The following CXCL13 variants were observed in gnomAD, a reference collection of about 807,000 sequenced individuals.
CXCL13 encodes the protein C-X-C motif chemokine ligand 13, also known as C-X-C motif chemokine 13.
CXCL13 carries 7 observed loss-of-function variants against 12.2 expected under a neutral mutation model. The observed-to-expected ratio is 0.57, with a 90% CI of 0.33 to 1.07. The LOEUF (loss-of-function observed/expected upper bound fraction) is 1.07, where lower values mean the gene tolerates loss of function less well. Among genes scored for constraint, CXCL13 ranks in the 50% least tolerant of loss-of-function variants. The pLI, the probability that CXCL13 is intolerant of heterozygous loss-of-function variation, is 0.04. For missense variants in CXCL13, 113 were observed against 127.4 expected, an observed-to-expected ratio of 0.89 and a Z score of 0.55; for synonymous variants, 47 against 42.4, an observed-to-expected ratio of 1.11 and a Z score of -0.42.
intron 1 of CXCL13, among the ~76,000 whole-genome samples, chr4:77,515,672 T>A (rs1256860817): frequency 6.6e-6 from 1 of 151,772 alleles, no homozygotes; most frequent in African/African-American, 2.4e-5. Context: ...CCTGAGACTT[T>A]GCTGAAGTTG....
chr4:77,550,566 C>G (rs1026150515), intron 1 of CXCL13, among the ~76,000 whole-genome samples: 1 of 152,118 alleles, frequency 6.6e-6, no homozygotes, highest in Non-Finnish European at 1.5e-5. Context: ...AGAATATGTT[C>G]TATTTGCAGA....
intron 1 of CXCL13, among the ~76,000 whole-genome samples, chr4:77,575,838 G>C (rs990793737): frequency 6.6e-6 from 1 of 151,670 alleles, no homozygotes; most frequent in South Asian, 2.1e-4. Flanking sequence ...ATTTTCTTTA[G>C]GTTATATTTT....
At chr4:77,541,504 T>C (rs1262301535) in intron 1 of CXCL13, among the ~76,000 whole-genome samples, 3 of 152,194 alleles carry the variant, frequency 2.0e-5, no homozygotes, top group Non-Finnish European at 4.4e-5. Context: ...TCGACTTTGT[T>C]GAAGATCAGA....
intron 1 of CXCL13, among the ~76,000 whole-genome samples, chr4:77,548,286 G>T: frequency 6.6e-6 from 1 of 152,168 alleles, no homozygotes; most frequent in East Asian, 1.9e-4. Flanking sequence ...ACAGTATTTA[G>T]TCTATTGGAA....
chr4:77,525,375 G>C (rs960290591), intron 1 of CXCL13, among the ~76,000 whole-genome samples: 4 of 152,120 alleles, frequency 2.6e-5, no homozygotes, highest in Non-Finnish European at 5.9e-5. Flanking sequence ...CATTTGGGGG[G>C]TTTTCTTGAT....
chr4:77,604,358 T>C (rs532175212), upstream of CXCL13, among the ~76,000 whole-genome samples: 2 of 152,286 alleles, frequency 1.3e-5, no homozygotes, highest in African/African-American at 4.8e-5. Flanking sequence ...CTTCTGTCTA[T>C]CGCAGGAGTT....
At chr4:77,519,721 A>G (rs533081889) in intron 1 of CXCL13, among the ~76,000 whole-genome samples, 2 of 152,282 alleles carry the variant, frequency 1.3e-5, no homozygotes, top group South Asian at 4.2e-4. Context: ...TAGTTTAATT[A>G]GATCTCATTT....
At chr4:77,546,174 A>G (rs188170881) in intron 1 of CXCL13, among the ~76,000 whole-genome samples, 1 of 152,146 alleles carries the variant, frequency 6.6e-6, no homozygotes, top group Non-Finnish European at 1.5e-5. Context: ...GGATTTTTGC[A>G]TCAATGTTCA....
chr4:77,553,529 T>A (rs1200324985), intron 1 of CXCL13, among the ~76,000 whole-genome samples: 3 of 152,234 alleles, frequency 2.0e-5, no homozygotes, highest in African/African-American at 7.2e-5. Context: ...TGCTCTCCCT[T>A]GGCCTGAATT....
chr4:77,580,720 C>T (rs1354503827), intron 1 of CXCL13, among the ~76,000 whole-genome samples: 28 of 114,264 alleles, frequency 2.5e-4, no homozygotes, highest in African/African-American at 8.7e-4. Flanking sequence ...CCTCCCCTCC[C>T]CTCCCCTCCC....
intron 1 of CXCL13, among the ~76,000 whole-genome samples, chr4:77,522,049 A>G (rs980650694): frequency 1.2e-4 from 18 of 152,060 alleles, no homozygotes; most frequent in African/African-American, 4.1e-4. Context: ...CTGAGTTCTA[A>G]TTTGATTGCA....
chr4:77,532,143 A>G (rs938718062), intron 1 of CXCL13, among the ~76,000 whole-genome samples: 15 of 152,124 alleles, frequency 9.9e-5, no homozygotes, highest in African/African-American at 7.2e-5. Flanking sequence ...TCCTAGCCTC[A>G]ATGGTCTTTA....
chr4:77,541,799 C>G (rs1331835750), intron 1 of CXCL13, among the ~76,000 whole-genome samples: 1 of 152,046 alleles, frequency 6.6e-6, no homozygotes, highest in Non-Finnish European at 1.5e-5. Flanking sequence ...CTGTACATTG[C>G]TTTGTGTGGT....
intron 1 of CXCL13, among the ~76,000 whole-genome samples, chr4:77,524,801 T>G (rs745787443): frequency 1.3e-5 from 2 of 152,176 alleles, no homozygotes; most frequent in Non-Finnish European, 2.9e-5. Context: ...GTCTTCTGCA[T>G]TGATAGTGCT....
At chr4:77,547,889 G>A (rs568051499) in intron 1 of CXCL13, among the ~76,000 whole-genome samples, 2 of 152,036 alleles carry the variant, frequency 1.3e-5, no homozygotes, top group Non-Finnish European at 2.9e-5. Context: ...CCTTTCCATG[G>A]TTAGTGCTTC....
intron 1 of CXCL13, among the ~76,000 whole-genome samples, chr4:77,540,787 G>T (rs922614082): frequency 3.9e-5 from 6 of 152,164 alleles, no homozygotes; most frequent in Non-Finnish European, 7.4e-5. Context: ...TAATAGGGTT[G>T]CTGGGTCAAA....
At chr4:77,527,207 G>A (rs1300428161) in intron 1 of CXCL13, among the ~76,000 whole-genome samples, 2 of 152,084 alleles carry the variant, frequency 1.3e-5, no homozygotes, top group African/African-American at 4.8e-5. Context: ...ACTGTACACC[G>A]ATTGGAACAG....
chr4:77,539,104 G>A (rs545731449), intron 1 of CXCL13, among the ~76,000 whole-genome samples: 7 of 143,342 alleles, frequency 4.9e-5, no homozygotes, highest in South Asian at 2.2e-4. Context: ...TAGCTCTGTC[G>A]CCCAGGCTGG....
chr4:77,557,957 A>G (rs1391043778), intron 1 of CXCL13, among the ~76,000 whole-genome samples: 1 of 152,122 alleles, frequency 6.6e-6, no homozygotes, highest in African/African-American at 2.4e-5. Context: ...TGACCTTTCC[A>G]TGCCTCTAAG....
Sources: allele counts gnomAD v4.1 joint callset (sites outside exome capture counted in the v4.1 genomes callset), GRCh38; gene constraint gnomAD v4.1.1; transcripts MANE v1.5; gene names NCBI Gene and HGNC (gene_info 2026-07-23, HGNC 2026-07-21).